The following C3orf49 variants were observed in gnomAD, a reference collection of about 807,000 sequenced individuals.
The protein encoded by C3orf49 is chromosome 3 open reading frame 49, also known as putative uncharacterized protein C3orf49.
In C3orf49, 27 loss-of-function variants were observed where a neutral mutation model predicts 13.3. The observed-to-expected ratio is 2.02, with a 90% CI of 1.49 to 2.79. The LOEUF (loss-of-function observed/expected upper bound fraction) is 2.79. Among genes scored for constraint, C3orf49 ranks in the 30% most tolerant of loss-of-function variants. The probability of loss-of-function intolerance (pLI) is 0.00; values close to 1 mark genes in which losing one functional copy is unlikely to be tolerated. For missense variants in C3orf49, 242 were observed against 134.2 expected (o/e 1.80, Z -3.97); for synonymous variants, 87 against 47.6 (o/e 1.83, Z -3.40).
chr3:63,784,420 A>G, the C3orf49 span, among the ~76,000 whole-genome samples: 1 of 152,254 alleles, frequency 6.6e-6, no homozygotes, highest in Non-Finnish European at 1.5e-5. Flanking sequence ...TTTATGAAAT[A>G]AGATAATGCA....
At chr3:63,834,250 A>G (rs1167473279) in intron 5 of C3orf49, 1 of 1,559,444 alleles carries the variant, frequency 6.4e-7, no homozygotes. Flanking sequence ...CCTATATTTT[A>G]TATTCGATGA....
upstream of C3orf49, among the ~76,000 whole-genome samples, chr3:63,817,844 G>A (rs1701342475): frequency 6.6e-6 from 1 of 152,106 alleles, no homozygotes; most frequent in Admixed American, 6.5e-5. Context: ...AAAAACAGCT[G>A]TCTTTCCTAG....
chr3:63,781,663 A>C, the C3orf49 span, among the ~76,000 whole-genome samples: 1 of 152,192 alleles, frequency 6.6e-6, no homozygotes, highest in African/African-American at 2.4e-5. Context: ...TAAAAAGGAA[A>C]GATTGTGAGA....
chr3:63,786,603 T>C, the C3orf49 span, among the ~76,000 whole-genome samples: 1 of 152,352 alleles, frequency 6.6e-6, no homozygotes, highest in Non-Finnish European at 1.5e-5. Context: ...CATCTGAATT[T>C]GTATGTGTAG....
the C3orf49 span, among the ~76,000 whole-genome samples, chr3:63,810,196 ATATAATGTCAC>A: frequency 0.083 from 12,551 of 152,058 alleles, 1,199 homozygotes; most frequent in African/African-American, 0.23. Flanking sequence ...TGCCAACCTA[ATATAATGTCAC>A]TATAGCAGAG....
At chr3:63,819,636 T>C (rs1701369881) in intron 1 of C3orf49, 40 bp downstream of exon 1, 1 of 702,528 alleles carries the variant, frequency 1.4e-6, no homozygotes. Flanking sequence ...AATGAGAGTC[T>C]TTGGGTTTGG....
the C3orf49 span, among the ~76,000 whole-genome samples, chr3:63,807,992 G>A: frequency 3.3e-5 from 5 of 151,962 alleles, no homozygotes; most frequent in Admixed American, 1.3e-4. Flanking sequence ...AAGTTCTCAC[G>A]CAACTGAACA....
At chr3:63,844,873 G>T in intron 5 of C3orf49, 150 bp from the exon 6 acceptor site, 1 of 496,132 alleles carries the variant, frequency 2.0e-6, no homozygotes, top group South Asian at 3.9e-5. Context: ...TACAGCCTTG[G>T]AAAACAGAGT....
At chr3:63,835,468 C>A in intron 5 of C3orf49, 1 of 1,301,784 alleles carries the variant, frequency 7.7e-7, no homozygotes, top group Admixed American at 2.0e-5. Context: ...TTTTAAGTTA[C>A]TAGATAGGAT....
chr3:63,828,630 G>C (rs1213481429), intron 3 of C3orf49, among the ~76,000 whole-genome samples: 1 of 151,980 alleles, frequency 6.6e-6, no homozygotes, highest in Non-Finnish European at 1.5e-5. Flanking sequence ...AAATTGCCCA[G>C]ACTATTTTTC....
intron 5 of C3orf49, chr3:63,838,593 T>C (rs972356316): frequency 4.8e-5 from 59 of 1,233,842 alleles, no homozygotes; most frequent in South Asian, 2.9e-4. Context: ...AATTAAATTA[T>C]AGCAAGTTCT....
the C3orf49 span, among the ~76,000 whole-genome samples, chr3:63,799,297 A>C: frequency 1.7e-4 from 26 of 152,248 alleles, 1 homozygote; most frequent in South Asian, 5.4e-3. Context: ...TAATTATTCA[A>C]GTGTACTCAA....
chr3:63,831,066 TGTTG>T, intron 3 of C3orf49, 40 bp from the exon 4 acceptor site: 2 of 682,536 alleles, frequency 2.9e-6, no homozygotes, highest in East Asian at 5.4e-5. Context: ...ACATAAATAA[TGTTG>T]GTAGTTCCTA....
chr3:63,801,224 C>A, the C3orf49 span, among the ~76,000 whole-genome samples: 2 of 152,084 alleles, frequency 1.3e-5, no homozygotes, highest in Non-Finnish European at 1.5e-5. Context: ...ACAAGTAATT[C>A]TCTCCAGTTA....
At chr3:63,807,160 C>G in the C3orf49 span, among the ~76,000 whole-genome samples, 1 of 152,070 alleles carries the variant, frequency 6.6e-6, no homozygotes, top group Non-Finnish European at 1.5e-5. Flanking sequence ...ACCGTGTTAG[C>G]CAGGATGGTC....
the C3orf49 span, among the ~76,000 whole-genome samples, chr3:63,812,777 T>C: frequency 6.6e-6 from 1 of 152,232 alleles, no homozygotes; most frequent in Non-Finnish European, 1.5e-5. Flanking sequence ...TTCTAAACTT[T>C]TGGGTTTAAT....
intron 5 of C3orf49, chr3:63,835,542 C>T: frequency 1.8e-6 from 1 of 567,916 alleles, no homozygotes. Context: ...ACTTTTAAAG[C>T]TGAGGATGAT....
chr3:63,831,274 A>T, intron 4 of C3orf49, 51 bp downstream of exon 4: 1 of 688,982 alleles, frequency 1.5e-6, no homozygotes, highest in Admixed American at 2.2e-5. Flanking sequence ...TCAGAGAGCC[A>T]GGCTTAAGTA....
At chr3:63,782,341 A>G in the C3orf49 span, 1 of 152,240 alleles carries the variant, frequency 6.6e-6, no homozygotes, top group African/African-American at 2.4e-5. Flanking sequence ...AAAAAAAACA[A>G]ACAAACATAA....
Sources: allele counts gnomAD v4.1 joint callset (sites outside exome capture counted in the v4.1 genomes callset), GRCh38; gene constraint gnomAD v4.1.1; transcripts MANE v1.5; gene names NCBI Gene and HGNC (gene_info 2026-07-23, HGNC 2026-07-21).